The following SLIT1 variants were observed in gnomAD, a reference collection of about 807,000 sequenced individuals.
SLIT1 encodes the protein slit guidance ligand 1, also known as slit homolog 1 protein.
Under a neutral mutation model 186.1 loss-of-function variants are expected in SLIT1, and 66 were observed. That is an observed-to-expected ratio of 0.35 (90% confidence interval 0.29 to 0.44). The LOEUF is 0.44. Ranked by LOEUF, SLIT1 falls within the 20% of genes least tolerant of loss-of-function variation. The pLI is 1.00. For synonymous variants in SLIT1, 761 were observed against 833.8 expected (o/e 0.91, Z 1.50); for missense variants, 1,638 against 2,037.4 (o/e 0.80, Z 3.77).
chr10:97,060,683 G>C lies in SLIT1; in HGVS notation c.898C>G (p.Leu300Val), dbSNP rs1848885513. 2 of 1,613,604 alleles carry C rather than the reference G, an allele frequency of 1.2e-6. No individual in the cohort carries two copies. Among genetic ancestry groups the C allele is most frequent in the Non-Finnish European group, 1.7e-6 (2 of 1,180,044 alleles). Reference protein sequence around the residue: ...NGIVDCRGKGLTAIPANLPET... With the variant: ...NGIVDCRGKGVTAIPANLPET... ...GGCAGGTTGGCCGGGATGGCAGTGA[G>C]GCCTTTTCCACGACAGTCCACGATG... The change falls in exon 9 of 37, where the codon CTC becomes GTC. Residue 300 changes from leucine to valine, a missense_variant. Transcript: ENST00000266058.
intron 4 of SLIT1, among the ~76,000 whole-genome samples, chr10:97,117,064 T>C (rs977648583): frequency 6.6e-6 from 1 of 152,082 alleles, no homozygotes; most frequent in African/African-American, 2.4e-5. Flanking sequence ...CTACAGTGGG[T>C]GGCAGAGACA....
intron 4 of SLIT1, among the ~76,000 whole-genome samples, chr10:97,140,331 G>A (rs1054275325): frequency 6.6e-6 from 1 of 152,098 alleles, no homozygotes; most frequent in East Asian, 1.9e-4. Flanking sequence ...CTCTCAGGCC[G>A]GCCCCTCCCC....
intron 13 of SLIT1, among the ~76,000 whole-genome samples, chr10:97,051,234 C>G (rs1848783593): frequency 6.8e-6 from 1 of 148,076 alleles, no homozygotes; most frequent in South Asian, 2.2e-4. Context: ...CCACTTCACA[C>G]CCACTAGGAT....
At chr10:97,046,623 C>A in intron 18 of SLIT1, 31 bp downstream of exon 18, 1 of 1,570,306 alleles carries the variant, frequency 6.4e-7, no homozygotes, top group South Asian at 1.1e-5. Flanking sequence ...CTGCAGCTGG[C>A]CCACCCTGCT....
At chr10:97,182,190 A>T (rs963257735) in intron 1 of SLIT1, among the ~76,000 whole-genome samples, 8 of 152,146 alleles carry the variant, frequency 5.3e-5, no homozygotes, top group Non-Finnish European at 1.0e-4. Context: ...TCTGGGGCCT[A>T]CCCAACCTCT....
Position 97,059,460 on chromosome 10 carries a change from A to G in SLIT1, c.1085T>C (p.Leu362Pro). 6.2e-7 allele frequency: 1 copy of G among 1,613,338 alleles called. No homozygotes were observed. The highest frequency in any genetic ancestry group is 8.5e-7 in the Non-Finnish European group (1 of 1,179,672). Residue 362 changes from leucine (L) to proline (P), a missense_variant and splice_region_variant, in exon 11 of 37, where the codon CTG becomes CCG. This residue lies in a region of SLIT1 where 1,245 missense variants were observed against 1,535.3 expected (regional missense o/e 0.81). Transcript: ENST00000266058. ...AGGAAGCCTTGGCACTGCTACTCAC[A>G]GCGAGTTCAGGGAGCGGAGGCCCTG... is the stretch of plus-strand genomic sequence containing the variant. ...AFQGLRSLNSLVLYGNKITDL... is the reference protein window; with the variant it reads ...AFQGLRSLNSPVLYGNKITDL...
At chr10:97,061,526 A>G (rs1848894002) in intron 8 of SLIT1, among the ~76,000 whole-genome samples, 1 of 152,222 alleles carries the variant, frequency 6.6e-6, no homozygotes, top group Non-Finnish European at 1.5e-5. Flanking sequence ...CTGCTCGTTT[A>G]CGAACTTCAC....
At position 97,180,379 on chromosome 10, in the gene SLIT1, G is replaced by A. The variant is rs538415000; in HGVS notation, c.197+5099C>T. Among the ~76,000 whole-genome samples, 22 of 152,340 alleles carry A rather than the reference G, an allele frequency of 1.4e-4. No individual in the cohort carries two copies. In the East Asian group the frequency reaches 4.1e-3, roughly 28 times the overall value. The stretch of plus-strand genomic sequence containing the variant: ...ATCCCCACTTTATGGGCAAGGAAAT[G>A]GGGGTTCTGAGAAGTCGCCCTTTCC... On this transcript the variant is annotated intron_variant, in intron 1 of 36. Transcript: ENST00000266058.
At position 97,048,797 on chromosome 10, in the gene SLIT1, A is replaced by G. The variant is rs147588776; in HGVS notation, c.1465+158T>C. 8.0e-3 allele frequency among the ~76,000 whole-genome samples: 1,208 copies of G among 151,576 alleles called. 8 individuals carry two copies. The highest frequency in any genetic ancestry group is 0.013 in the Non-Finnish European group (871 of 67,854). ...CAGGCAGGTAGGTGAACAGGTGGGT[A>G]GGCGGGCAGGTATGCAGGTGGACAG... is the stretch of plus-strand genomic sequence containing the variant. On this transcript the variant is annotated intron_variant, in intron 14 of 36. Coordinates refer to ENST00000266058, the MANE Select transcript of SLIT1 (RefSeq NM_003061.3).
intron 21 of SLIT1, among the ~76,000 whole-genome samples, chr10:97,039,272 G>A (rs907244382): frequency 1.3e-5 from 2 of 152,196 alleles, no homozygotes; most frequent in African/African-American, 4.8e-5. Flanking sequence ...GGAGGTGTCT[G>A]CTGAAGAAGT....
In SLIT1 at chr10:97,000,790, G is replaced by T. The variant is rs11591543; in HGVS notation, c.*322C>A. ...TTCTCCAGATTCAGATAGCAGGTAA[G>T]GAGGGGTGTCATCGTTCTGCACTTC... On this transcript the variant is annotated 3_prime_UTR_variant, in exon 37 of 37. Transcript: ENST00000266058. 1.2e-4 allele frequency: 36 copies of T among 299,074 alleles called. No homozygotes were observed. Among genetic ancestry groups the T allele is most frequent in the Non-Finnish European group, 1.6e-4 (25 of 159,894 alleles). 18.5% of individuals were successfully genotyped at this position (299,074 alleles called of 1,614,324 possible). A position where few individuals can be genotyped will look rare whatever the true frequency, so the allele number is the denominator to read the frequency against.
chr10:97,006,580 T>A lies in SLIT1; in HGVS notation c.3482A>T (p.Glu1161Val). 6 of 1,614,188 alleles carry A rather than the reference T, an allele frequency of 3.7e-6. No homozygotes were observed. Among genetic ancestry groups the A allele is most frequent in the Non-Finnish European group, 5.1e-6 (6 of 1,180,022 alleles). Residue 1161 changes from glutamate to valine, a missense_variant, in exon 32 of 37, where the codon GAG becomes GTG. Glu to Val is a moderately radical substitution (Grantham distance 121). Coordinates refer to ENST00000266058, the MANE Select transcript of SLIT1 (RefSeq NM_003061.3). This position sits in a 1 kb window ranked among gnomAD's most constrained non-coding sequence, Gnocchi z 4.0. ...GTTGACACTGAGCAACTTCTCACAC[T>A]CAGGGCCACCGAAGCCTGGGAGGCA... The part of the protein sequence containing the change: ...CQCLPGFGGP[E>V]CEKLLSVNFV...
chr10:97,078,284 G>A (rs1589383979), intron 4 of SLIT1, among the ~76,000 whole-genome samples: 1 of 151,986 alleles, frequency 6.6e-6, no homozygotes, highest in Admixed American at 6.6e-5. Context: ...CATGTGCCAG[G>A]TCCCATCAGC....
chr10:97,165,478 C>T (rs1589418565), intron 1 of SLIT1, among the ~76,000 whole-genome samples: 1 of 152,010 alleles, frequency 6.6e-6, no homozygotes, highest in South Asian at 2.1e-4. Flanking sequence ...AAGCTGAGGC[C>T]CAAAGACAAG....
chr10:97,097,173 A>G (rs1044794691), intron 4 of SLIT1, among the ~76,000 whole-genome samples: 2 of 152,160 alleles, frequency 1.3e-5, no homozygotes, highest in Non-Finnish European at 2.9e-5. Flanking sequence ...TGCGTCTAAC[A>G]CTGCAACCAC....
At chr10:97,096,987 T>C (rs1262413403) in intron 4 of SLIT1, among the ~76,000 whole-genome samples, 1 of 152,036 alleles carries the variant, frequency 6.6e-6, no homozygotes, top group Non-Finnish European at 1.5e-5. Context: ...CTCTCTGGAG[T>C]TCTGTACCAT....
chr10:97,173,395 GA>G (rs1305364746), intron 1 of SLIT1, among the ~76,000 whole-genome samples: 1 of 152,066 alleles, frequency 6.6e-6, no homozygotes, highest in Admixed American at 6.5e-5. Context: ...CCTACAGGTT[GA>G]GTGGCAGAGC....
chr10:97,158,801 A>C (rs1301932788), intron 3 of SLIT1, among the ~76,000 whole-genome samples: 1 of 151,888 alleles, frequency 6.6e-6, no homozygotes, highest in Non-Finnish European at 1.5e-5. Context: ...AATCACTTGA[A>C]CCAGGGAGGT....
At chr10:97,045,803 T>G (rs572818725) in intron 18 of SLIT1, among the ~76,000 whole-genome samples, 1 of 152,322 alleles carries the variant, frequency 6.6e-6, no homozygotes, top group East Asian at 1.9e-4. Flanking sequence ...ACACATTCAT[T>G]TACTTGCTCA....
Sources: allele counts gnomAD v4.1 joint callset (sites outside exome capture counted in the v4.1 genomes callset), GRCh38; gene constraint gnomAD v4.1.1; regional missense constraint gnomAD v4.1.1; non-coding constraint Gnocchi (gnomAD v3.1); transcripts MANE v1.5; gene names NCBI Gene and HGNC (gene_info 2026-07-23, HGNC 2026-07-21).